The following CCBE1 variants were observed in gnomAD, a reference collection of about 807,000 sequenced individuals.
CCBE1 encodes collagen and calcium-binding EGF domain-containing protein 1.
A neutral mutation model predicts 50.0 loss-of-function variants in CCBE1; 37 were observed. The observed-to-expected ratio is 0.74, with a 90% CI of 0.57 to 0.97. CCBE1 has a LOEUF of 0.97. Ranked by LOEUF, CCBE1 falls within the 50% of genes least tolerant of loss-of-function variation. CCBE1 has a pLI of 0.00. For synonymous variants in CCBE1, 234 were observed against 203.7 expected, an observed-to-expected ratio of 1.15 and a Z score of -1.27; for missense variants, 538 against 523.8, an observed-to-expected ratio of 1.03 and a Z score of -0.26.
At chr18:59,587,718 G>A (rs779472214) in intron 2 of CCBE1, among the ~76,000 whole-genome samples, 11 of 151,898 alleles carry the variant, frequency 7.2e-5, no homozygotes, top group Non-Finnish European at 1.2e-4. Flanking sequence ...AGTTAGGCAA[G>A]AAAAAGAAAT....
At chr18:59,543,593 TGA>T (rs1357379034) in intron 2 of CCBE1, among the ~76,000 whole-genome samples, 2 of 152,002 alleles carry the variant, frequency 1.3e-5, no homozygotes, top group African/African-American at 4.8e-5. Context: ...CCCAGCACTT[TGA>T]GAGGCCGAGG....
chr18:59,583,000 T>A (rs2053108083), intron 2 of CCBE1, among the ~76,000 whole-genome samples: 1 of 152,098 alleles, frequency 6.6e-6, no homozygotes, highest in African/African-American at 2.4e-5. Flanking sequence ...AAAATTTTCT[T>A]TTTGTAGAGA....
chr18:59,596,531 C>T (rs938968985), intron 2 of CCBE1, among the ~76,000 whole-genome samples: 13 of 152,100 alleles, frequency 8.5e-5, no homozygotes, highest in African/African-American at 2.9e-4. Context: ...CTATGATATA[C>T]GGCGGAGGAA....
At chr18:59,449,676 C>G (rs1041902393) in intron 6 of CCBE1, among the ~76,000 whole-genome samples, 6 of 151,392 alleles carry the variant, frequency 4.0e-5, no homozygotes, top group Admixed American at 6.6e-5. Context: ...TGACTTTGTT[C>G]CTAAGTAGCT....
At chr18:59,694,731 G>C (rs1318858777) in intron 2 of CCBE1, among the ~76,000 whole-genome samples, 1 of 152,152 alleles carries the variant, frequency 6.6e-6, no homozygotes, top group South Asian at 2.1e-4. Context: ...TGGGATTCAA[G>C]AAGAGTAGAT....
chr18:59,506,461 G>T (rs1913877459), intron 2 of CCBE1, among the ~76,000 whole-genome samples: 2 of 152,316 alleles, frequency 1.3e-5, no homozygotes, highest in Admixed American at 6.5e-5. Context: ...CACTTCACTT[G>T]CTAAAGGAAT....
intron 2 of CCBE1, among the ~76,000 whole-genome samples, chr18:59,676,806 A>C (rs904855886): frequency 1.3e-5 from 2 of 152,246 alleles, no homozygotes; most frequent in African/African-American, 4.8e-5. Flanking sequence ...CTTACTGAGG[A>C]TGTGACATCA....
intron 9 of CCBE1, among the ~76,000 whole-genome samples, chr18:59,438,976 C>T (rs1910285651): frequency 6.6e-6 from 1 of 151,984 alleles, no homozygotes; most frequent in East Asian, 1.9e-4. Flanking sequence ...ATGGCGAAAC[C>T]CCGTCTCTAC....
intron 3 of CCBE1, 143 bp from the exon 4 acceptor site, chr18:59,469,750 T>G: frequency 9.3e-7 from 1 of 1,072,638 alleles, no homozygotes; most frequent in Admixed American, 1.8e-5. Flanking sequence ...GGACAGGAAC[T>G]CTTTAGGGCT....
chr18:59,562,319 G>C (rs1351384744), intron 2 of CCBE1, among the ~76,000 whole-genome samples: 1 of 152,122 alleles, frequency 6.6e-6, no homozygotes, highest in East Asian at 1.9e-4. Context: ...TATCTTTTTA[G>C]ATTATTAACT....
At chr18:59,672,712 G>A (rs1049398458) in intron 2 of CCBE1, among the ~76,000 whole-genome samples, 6 of 152,182 alleles carry the variant, frequency 3.9e-5, no homozygotes, top group African/African-American at 1.4e-4. Flanking sequence ...GTGAGCAAGA[G>A]AATAATTTTT....
chr18:59,571,867 C>T (rs556328748), intron 2 of CCBE1, among the ~76,000 whole-genome samples: 1 of 152,200 alleles, frequency 6.6e-6, no homozygotes, highest in Non-Finnish European at 1.5e-5. Context: ...ATCTGCAACT[C>T]TAGGGGAGGG....
intron 2 of CCBE1, among the ~76,000 whole-genome samples, chr18:59,486,394 A>G (rs1426629657): frequency 6.6e-6 from 1 of 152,242 alleles, no homozygotes; most frequent in East Asian, 1.9e-4. Flanking sequence ...AATAGGGGGA[A>G]GACAAGTAGG....
intron 2 of CCBE1, among the ~76,000 whole-genome samples, chr18:59,555,275 C>T (rs959315166): frequency 6.6e-6 from 1 of 152,148 alleles, no homozygotes; most frequent in Non-Finnish European, 1.5e-5. Context: ...CCATATGGGT[C>T]CTTAGCTCTC....
At chr18:59,651,494 T>C (rs1266203438) in intron 2 of CCBE1, among the ~76,000 whole-genome samples, 1 of 152,226 alleles carries the variant, frequency 6.6e-6, no homozygotes, top group African/African-American at 2.4e-5. Flanking sequence ...CTGGCAGTCA[T>C]TCACAGAACT....
At chr18:59,631,892 T>C (rs1022664430) in intron 2 of CCBE1, among the ~76,000 whole-genome samples, 2 of 152,126 alleles carry the variant, frequency 1.3e-5, no homozygotes, top group Admixed American at 6.5e-5. Flanking sequence ...TAATAGGAAA[T>C]GTAAGATGCC....
At chr18:59,599,129 C>T (rs1051604745) in intron 2 of CCBE1, among the ~76,000 whole-genome samples, 1 of 151,996 alleles carries the variant, frequency 6.6e-6, no homozygotes, top group Non-Finnish European at 1.5e-5. Context: ...CTCCTCCCAC[C>T]GTCAACCCAA....
At chr18:59,622,283 G>C (rs1220450426) in intron 2 of CCBE1, among the ~76,000 whole-genome samples, 1 of 152,190 alleles carries the variant, frequency 6.6e-6, no homozygotes, top group Non-Finnish European at 1.5e-5. Flanking sequence ...GCCTGCCCTT[G>C]AGGGTAGAAG....
chr18:59,569,155 C>T (rs60642656), intron 2 of CCBE1, among the ~76,000 whole-genome samples: 3,751 of 152,286 alleles, frequency 0.025, 164 homozygotes, highest in African/African-American at 0.086. Flanking sequence ...AAGTCTGGCT[C>T]TCCCTCCAGC....
Sources: allele counts gnomAD v4.1 joint callset (sites outside exome capture counted in the v4.1 genomes callset), GRCh38; gene constraint gnomAD v4.1.1; transcripts MANE v1.5; gene names NCBI Gene and HGNC (gene_info 2026-07-23, HGNC 2026-07-21).